The following PTPRD variants were observed in gnomAD, a reference collection of about 807,000 sequenced individuals.
PTPRD encodes the protein receptor-type tyrosine-protein phosphatase delta.
In PTPRD, 34 loss-of-function variants were observed where a neutral mutation model predicts 214.5. The observed-to-expected ratio is 0.16, with a 90% CI of 0.12 to 0.21. The LOEUF (loss-of-function observed/expected upper bound fraction) is 0.21, where lower values mean the gene tolerates loss of function less well. Ranked by LOEUF, PTPRD falls within the 10% of genes least tolerant of loss-of-function variation. The pLI is 1.00. For synonymous variants in PTPRD, 1,128 were observed against 845.7 expected (o/e 1.33, Z -5.79); for missense variants, 2,545 against 2,398.7 (o/e 1.06, Z -1.27).
At chr9:9,938,784 C>T (rs2090442015) in intron 4 of PTPRD, among the ~76,000 whole-genome samples, 174 bp from the exon 5 acceptor site, 1 of 152,198 alleles carries the variant, frequency 6.6e-6, no homozygotes, top group South Asian at 2.1e-4. Context: ...ATTAATATAG[C>T]ACCTGTATAA....
intron 21 of PTPRD, among the ~76,000 whole-genome samples, chr9:8,508,483 C>T (rs28413117): frequency 5.5e-4 from 84 of 152,214 alleles, no homozygotes; most frequent in Non-Finnish European, 1.1e-3. Context: ...ACATTTTGAT[C>T]ATTACCCTTG....
intron 9 of PTPRD, among the ~76,000 whole-genome samples, chr9:9,385,520 A>C (rs2063601644): frequency 1.3e-5 from 2 of 152,156 alleles, no homozygotes; most frequent in African/African-American, 4.8e-5. Context: ...ATTTTCAGGA[A>C]AGTGTGTGAA....
At chr9:9,072,315 A>ACG (rs1449559508) in intron 10 of PTPRD, among the ~76,000 whole-genome samples, 1 of 151,578 alleles carries the variant, frequency 6.6e-6, no homozygotes, top group African/African-American at 2.4e-5. Context: ...ACACACACAC[A>ACG]CACACACTCC....
intron 3 of PTPRD, among the ~76,000 whole-genome samples, chr9:10,241,008 A>G (rs1442141790): frequency 1.6e-5 from 2 of 126,536 alleles, no homozygotes; most frequent in Non-Finnish European, 3.6e-5. Context: ...AGATATAAAT[A>G]CCAGAGTAGA....
intron 3 of PTPRD, among the ~76,000 whole-genome samples, chr9:10,133,464 A>C (rs1592001355): frequency 6.6e-6 from 1 of 152,158 alleles, no homozygotes; most frequent in East Asian, 1.9e-4. Context: ...ATATAATACA[A>C]GAATAAAATA....
At chr9:10,502,723 G>T (rs1015677323) in intron 2 of PTPRD, among the ~76,000 whole-genome samples, 2 of 152,056 alleles carry the variant, frequency 1.3e-5, no homozygotes, top group South Asian at 4.1e-4. Flanking sequence ...AAAAATGTAG[G>T]TATGTATCTT....
chr9:9,947,069 AAAG>A (rs2092661759), intron 4 of PTPRD, among the ~76,000 whole-genome samples: 1 of 150,808 alleles, frequency 6.6e-6, no homozygotes, highest in South Asian at 2.1e-4. Flanking sequence ...AAATACCACA[AAAG>A]AAATGATCTT....
intron 7 of PTPRD, among the ~76,000 whole-genome samples, chr9:9,722,232 A>G (rs1438061641): frequency 6.6e-6 from 1 of 152,044 alleles, no homozygotes; most frequent in Non-Finnish European, 1.5e-5. Context: ...ACTTATCAGC[A>G]GACAGCCTCT....
chr9:9,497,704 C>T (rs1023673305), intron 8 of PTPRD, among the ~76,000 whole-genome samples: 2 of 152,082 alleles, frequency 1.3e-5, no homozygotes, highest in African/African-American at 4.8e-5. Context: ...ATAATTACCA[C>T]CTTTATGCCT....
At chr9:9,485,785 G>T (rs1190634239) in intron 8 of PTPRD, among the ~76,000 whole-genome samples, 1 of 152,024 alleles carries the variant, frequency 6.6e-6, no homozygotes, top group Admixed American at 6.6e-5. Flanking sequence ...GGATTATTCT[G>T]TTAGCCATTC....
At chr9:9,413,064 T>G (rs922261785) in intron 8 of PTPRD, among the ~76,000 whole-genome samples, 54 of 150,744 alleles carry the variant, frequency 3.6e-4, no homozygotes, top group African/African-American at 1.3e-3. Context: ...AGGACAGTCA[T>G]TTTGGGCAAA....
intron 8 of PTPRD, among the ~76,000 whole-genome samples, chr9:9,428,643 A>T (rs931590731): frequency 1.3e-5 from 2 of 152,220 alleles, no homozygotes; most frequent in Non-Finnish European, 2.9e-5. Context: ...AACTGACCAC[A>T]TAGTTGGAAG....
At chr9:9,331,310 T>G (rs1276567407) in intron 9 of PTPRD, among the ~76,000 whole-genome samples, 1 of 152,116 alleles carries the variant, frequency 6.6e-6, no homozygotes, top group Non-Finnish European at 1.5e-5. Flanking sequence ...ATTTCCAATT[T>G]ACTAAGTTTT....
At position 9,802,436 on chromosome 9, in the gene PTPRD, G is replaced by C. The variant is rs2099046884; in HGVS notation, c.-367-35585C>G. ...ACTACCTTATATTAGGCCATAATTT[G>C]CTCCTAAATTAGCCACAGAACTCAA... is the stretch of plus-strand genomic sequence containing the variant. On this transcript the variant is annotated intron_variant, in intron 5 of 45. Transcript: ENST00000381196. Among the ~76,000 whole-genome samples, 5 of 151,862 alleles carry C rather than the reference G, an allele frequency of 3.3e-5. No homozygotes were observed. In the South Asian group the frequency reaches 1.0e-3, roughly 31 times the overall value.
At chr9:10,097,646 G>A (rs201520685) in intron 3 of PTPRD, among the ~76,000 whole-genome samples, 23 of 151,690 alleles carry the variant, frequency 1.5e-4, no homozygotes, top group African/African-American at 3.9e-4. Context: ...GGGCTGAGAC[G>A]ATGGGGTTTT....
intron 3 of PTPRD, among the ~76,000 whole-genome samples, chr9:10,324,769 T>A (rs2096614221): frequency 6.6e-6 from 1 of 152,012 alleles, no homozygotes. Context: ...TAACCTCTAT[T>A]CCAAGCTTTT....
intron 8 of PTPRD, among the ~76,000 whole-genome samples, chr9:9,484,169 C>T (rs1234649468): frequency 6.6e-6 from 1 of 151,416 alleles, no homozygotes; most frequent in African/African-American, 2.4e-5. Flanking sequence ...AAATTTTAAA[C>T]ATTTAAAAGT....
chr9:8,574,682 T>G (rs2091992123), intron 14 of PTPRD, among the ~76,000 whole-genome samples: 1 of 152,080 alleles, frequency 6.6e-6, no homozygotes, highest in African/African-American at 2.4e-5. Flanking sequence ...TTCCTGTGGG[T>G]TCTTTTCATT....
intron 10 of PTPRD, among the ~76,000 whole-genome samples, chr9:9,035,780 T>A (rs1214919881): frequency 6.6e-6 from 1 of 152,110 alleles, no homozygotes; most frequent in Non-Finnish European, 1.5e-5. Flanking sequence ...CTGTGCACTT[T>A]CTTAGTGGAG....
Sources: gnomAD v4.1 joint callset for allele counts (sites outside exome capture counted in the v4.1 genomes callset) on GRCh38, gnomAD v4.1.1 for gene constraint, MANE v1.5 for transcripts, NCBI Gene and HGNC (gene_info 2026-07-23, HGNC 2026-07-21) for gene names.